GPC5: variants seen among roughly 807,000 people sequenced by gnomAD.
GPC5 encodes glypican 5.
In GPC5, 47 loss-of-function variants were observed where a neutral mutation model predicts 53.9. The observed-to-expected ratio is 0.87, with a 90% CI of 0.69 to 1.11. The LOEUF (loss-of-function observed/expected upper bound fraction) is 1.11, where lower values mean the gene tolerates loss of function less well. Among genes scored for constraint, GPC5 ranks in the 50% most tolerant of loss-of-function variants. The pLI, the probability that GPC5 is intolerant of heterozygous loss-of-function variation, is 0.00. For missense variants in GPC5, 748 were observed against 713.1 expected, an observed-to-expected ratio of 1.05 and a Z score of -0.56; for synonymous variants, 286 against 263.3, an observed-to-expected ratio of 1.09 and a Z score of -0.84.
At position 92,576,115 on chromosome 13, in the gene GPC5, C is replaced by T. The variant is rs76501775; in HGVS notation, c.1562-290167C>T. On this transcript the variant is annotated intron_variant, in intron 7 of 7. Transcript: ENST00000377067. ...TTTCACAAAATCCCTCCAGATATAA[C>T]GAATACTAATTTTAATTTCAGTCAG... Among the ~76,000 whole-genome samples, 147 of 152,246 alleles carry T rather than the reference C, an allele frequency of 9.7e-4. 4 individuals are homozygous for T. In the East Asian group the frequency reaches 0.025, roughly 25 times the overall value.
chr13:92,358,906 T>G (rs1250685501), intron 7 of GPC5, among the ~76,000 whole-genome samples: 1 of 147,836 alleles, frequency 6.8e-6, no homozygotes, highest in African/African-American at 2.5e-5. Context: ...TTTCAAGGCA[T>G]TTTTTTTTCA....
chr13:92,479,119 G>T (rs1879255477), intron 7 of GPC5, among the ~76,000 whole-genome samples: 1 of 152,142 alleles, frequency 6.6e-6, no homozygotes, highest in South Asian at 2.1e-4. Flanking sequence ...AGTTCAGAAT[G>T]AGTCATATAG....
At chr13:92,543,977 TG>T (rs989033990) in intron 7 of GPC5, among the ~76,000 whole-genome samples, 2 of 151,786 alleles carry the variant, frequency 1.3e-5, no homozygotes, top group African/African-American at 4.8e-5. Context: ...TTTTGCTTGT[TG>T]TTTTTTTTTT....
intron 2 of GPC5, among the ~76,000 whole-genome samples, chr13:91,587,417 T>TG (rs1320449538): frequency 6.6e-6 from 1 of 152,158 alleles, no homozygotes; most frequent in Non-Finnish European, 1.5e-5. Flanking sequence ...ATTTGTATTG[T>TG]TGTCCTCATA....
intron 7 of GPC5, among the ~76,000 whole-genome samples, chr13:92,595,875 G>C (rs935451169): frequency 1.3e-5 from 2 of 151,516 alleles, no homozygotes; most frequent in African/African-American, 4.9e-5. Context: ...CTTGCTTACT[G>C]TAAAATAGAA....
At chr13:91,714,493 C>T (rs1430046570) in intron 3 of GPC5, among the ~76,000 whole-genome samples, 1 of 152,136 alleles carries the variant, frequency 6.6e-6, no homozygotes, top group African/African-American at 2.4e-5. Flanking sequence ...AATCGAAGCA[C>T]ATATAATGCC....
chr13:92,026,355 G>A (rs971626510), intron 6 of GPC5, among the ~76,000 whole-genome samples: 1 of 151,588 alleles, frequency 6.6e-6, no homozygotes, highest in African/African-American at 2.4e-5. Context: ...TTTTTTTAAA[G>A]TAAATTCTAA....
chr13:92,840,061 T>C (rs1216546479), intron 7 of GPC5, among the ~76,000 whole-genome samples: 1 of 137,098 alleles, frequency 7.3e-6, no homozygotes, highest in Non-Finnish European at 1.6e-5. Context: ...CTTGCTTTTA[T>C]TCTTCATATA....
chr13:92,746,816 CA>C (rs1274103577), intron 7 of GPC5, among the ~76,000 whole-genome samples: 1 of 152,088 alleles, frequency 6.6e-6, no homozygotes, highest in Admixed American at 6.6e-5. Flanking sequence ...TTAACATATA[CA>C]GTCATGCTTT....
intron 5 of GPC5, among the ~76,000 whole-genome samples, chr13:91,862,086 A>G (rs1283037527): frequency 6.6e-6 from 1 of 152,152 alleles, no homozygotes. Context: ...CGATAAAAAA[A>G]GTATTTTCTG....
At position 92,434,413 on chromosome 13, in the gene GPC5, G is replaced by T. The variant is rs138402840; in HGVS notation, c.1561+289424G>T. The stretch of plus-strand genomic sequence containing the variant: ...TAGAATGTTTTTTTCTTCAGGAAAA[G>T]GTTTTTATCAGTCAGTTATAGTCCT... On this transcript the variant is annotated intron_variant, in intron 7 of 7. Coordinates refer to ENST00000377067, the MANE Select transcript of GPC5 (RefSeq NM_004466.6). 4.6e-3 allele frequency among the ~76,000 whole-genome samples: 698 copies of T among 152,018 alleles called. 9 individuals carry two copies. The highest frequency in any genetic ancestry group is 7.3e-3 in the South Asian group (35 of 4,822).
intron 7 of GPC5, chr13:92,241,158 A>C (rs1474250529): frequency 6.6e-6 from 1 of 152,166 alleles, no homozygotes; most frequent in Non-Finnish European, 1.5e-5. Context: ...ATTCCATTGC[A>C]GAATTATTGG....
At chr13:92,601,558 A>T (rs1884058008) in intron 7 of GPC5, among the ~76,000 whole-genome samples, 1 of 149,274 alleles carries the variant, frequency 6.7e-6, no homozygotes, top group African/African-American at 2.4e-5. Flanking sequence ...CCATCTCAAA[A>T]AAAAAAAAAA....
intron 7 of GPC5, among the ~76,000 whole-genome samples, chr13:92,423,516 A>G (rs1400373982): frequency 6.6e-6 from 1 of 152,218 alleles, no homozygotes; most frequent in East Asian, 1.9e-4. Flanking sequence ...AATTGGAAGA[A>G]TGAAATCACT....
At chr13:91,953,691 A>G (rs973456673) in intron 6 of GPC5, among the ~76,000 whole-genome samples, 7 of 152,214 alleles carry the variant, frequency 4.6e-5, no homozygotes, top group Non-Finnish European at 1.0e-4. Context: ...GAGGTCCAAG[A>G]TCAATGTGCT....
At chr13:91,481,631 A>G (rs1883302579) in intron 2 of GPC5, among the ~76,000 whole-genome samples, 1 of 152,134 alleles carries the variant, frequency 6.6e-6, no homozygotes, top group Admixed American at 6.6e-5. Context: ...TGTGGGCTTT[A>G]TCAGTCCTGA....
At chr13:91,665,822 T>TA (rs1172437546) in intron 2 of GPC5, among the ~76,000 whole-genome samples, 4 of 152,094 alleles carry the variant, frequency 2.6e-5, no homozygotes, top group African/African-American at 9.7e-5. Context: ...GTCATTTGAG[T>TA]TCAGGTGTTA....
intron 6 of GPC5, among the ~76,000 whole-genome samples, chr13:92,066,390 T>C (rs2041167541): frequency 6.6e-6 from 1 of 151,408 alleles, no homozygotes; most frequent in African/African-American, 2.4e-5. Context: ...AAGTAGATGA[T>C]TTGCTCAGAT....
intron 6 of GPC5, among the ~76,000 whole-genome samples, chr13:91,988,912 C>A (rs2040432866): frequency 6.6e-6 from 1 of 151,932 alleles, no homozygotes; most frequent in Non-Finnish European, 1.5e-5. Context: ...TGTTTGAAAT[C>A]TGCAGTCATC....
Sources: gnomAD v4.1 joint callset for allele counts (sites outside exome capture counted in the v4.1 genomes callset) on GRCh38, gnomAD v4.1.1 for gene constraint, MANE v1.5 for transcripts, NCBI Gene and HGNC (gene_info 2026-07-23, HGNC 2026-07-21) for gene names.